MSL2: variants seen among roughly 807,000 people sequenced by gnomAD.
MSL2 encodes the protein E3 ubiquitin-protein ligase MSL2.
Under a neutral mutation model 35.8 loss-of-function variants are expected in MSL2, and 2 were observed. That is an observed-to-expected ratio of 0.06 (90% confidence interval 0.02 to 0.18). The LOEUF (loss-of-function observed/expected upper bound fraction) is 0.18, where lower values mean the gene tolerates loss of function less well. Ranked by LOEUF, MSL2 falls within the 10% of genes least tolerant of loss-of-function variation. MSL2 has a pLI of 1.00. For missense variants in MSL2, 523 were observed against 706.7 expected (o/e 0.74, Z 2.95); for synonymous variants, 296 against 255.7 (o/e 1.16, Z -1.50).
At chr3:136,185,681 T>C (rs1940500994) in intron 1 of MSL2, among the ~76,000 whole-genome samples, 1 of 151,980 alleles carries the variant, frequency 6.6e-6, no homozygotes, top group Non-Finnish European at 1.5e-5. Context: ...AATTTTTGTA[T>C]TTTTAGTAGA....
chr3:136,191,795 C>T (rs1458994505), intron 1 of MSL2, among the ~76,000 whole-genome samples: 1 of 152,152 alleles, frequency 6.6e-6, no homozygotes, highest in African/African-American at 2.4e-5. Context: ...TTTCAAACCG[C>T]TTAAAAATAA....
intron 1 of MSL2, among the ~76,000 whole-genome samples, chr3:136,179,287 A>G (rs1241039095): frequency 6.6e-6 from 1 of 152,100 alleles, no homozygotes; most frequent in Non-Finnish European, 1.5e-5. Flanking sequence ...CCTGGGTTCA[A>G]GCAATCCCTG....
At chr3:136,162,460 T>C (rs144916189) in intron 1 of MSL2, among the ~76,000 whole-genome samples, 75 of 152,042 alleles carry the variant, frequency 4.9e-4, no homozygotes, top group African/African-American at 1.7e-3. Flanking sequence ...GCACGCACCT[T>C]AGTCCCAGCT....
intron 1 of MSL2, among the ~76,000 whole-genome samples, chr3:136,172,049 G>A (rs1421432369): frequency 5.9e-5 from 9 of 152,058 alleles, no homozygotes; most frequent in Non-Finnish European, 1.2e-4. Flanking sequence ...TGGCTCAAGC[G>A]ATCCACCCAC....
At chr3:136,192,380 T>A (rs1374389388) in intron 1 of MSL2, among the ~76,000 whole-genome samples, 1 of 152,094 alleles carries the variant, frequency 6.6e-6, no homozygotes, top group Non-Finnish European at 1.5e-5. Flanking sequence ...GGTTTCACTA[T>A]GTTGGCCAGG....
chr3:136,180,800 G>GGGAAGGAA (rs1940328786), intron 1 of MSL2, among the ~76,000 whole-genome samples: 3 of 49,522 alleles, frequency 6.1e-5, no homozygotes, highest in African/African-American at 2.8e-4. Flanking sequence ...GAGGGAGGGA[G>GGGAAGGAA]GGAGGGAGGG....
intron 1 of MSL2, among the ~76,000 whole-genome samples, chr3:136,175,662 T>C (rs1158284492): frequency 1.4e-5 from 2 of 147,090 alleles, no homozygotes; most frequent in Non-Finnish European, 3.1e-5. Context: ...CACCCTAGCC[T>C]GCGTGACAGA....
intron 1 of MSL2, among the ~76,000 whole-genome samples, chr3:136,185,124 G>A (rs535511292): frequency 4.6e-5 from 7 of 151,864 alleles, no homozygotes; most frequent in East Asian, 1.9e-4. Flanking sequence ...ACAGGCATGC[G>A]CCACCACACC....
Position 136,152,086 on chromosome 3 carries a change from A to C in MSL2, c.795T>G (p.Ser265=). ...GTACTTCCTCAACACTCAGTAACAG[A>C]GAGTCTCCAGGTTTTATATCTTCAC... The part of the protein sequence containing the change: ...SFSEDIKPGD[S]LLLSVEEVLR... The change falls in exon 2 of 2, where the codon TCT becomes TCG. Residue 265 remains serine (S), a synonymous_variant. Transcript: ENST00000309993. 1 of 1,614,156 alleles carries C rather than the reference A, an allele frequency of 6.2e-7. No individual in the cohort carries two copies. Among genetic ancestry groups the C allele is most frequent in the Non-Finnish European group, 8.5e-7 (1 of 1,180,004 alleles).
intron 1 of MSL2, among the ~76,000 whole-genome samples, chr3:136,174,578 AG>A (rs2108079457): frequency 6.6e-6 from 1 of 152,308 alleles, no homozygotes; most frequent in Admixed American, 6.5e-5. Flanking sequence ...GAAGAGCAAA[AG>A]GAAGGGGAGG....
At position 136,167,072 on chromosome 3, in the gene MSL2, A is replaced by T. The variant is rs148952681; in HGVS notation, c.143-14334T>A. Among the ~76,000 whole-genome samples the T allele has an allele frequency of 2.0e-4, 30 of 152,332 alleles. No individual in the cohort carries two copies. The East Asian group carries it at 5.6e-3, about 28-fold the overall frequency. On this transcript the variant is annotated intron_variant, in intron 1 of 1. Coordinates refer to ENST00000309993, the MANE Select transcript of MSL2 (RefSeq NM_018133.4). ...GAGGAGAAGGGGCACAAGAAAAAAAATATATAAAACTGATAATGGCTAATA... is the reference window on the plus strand; with the variant it reads ...GAGGAGAAGGGGCACAAGAAAAAAATTATATAAAACTGATAATGGCTAATA...
intron 1 of MSL2, among the ~76,000 whole-genome samples, chr3:136,166,397 G>A (rs1046940453): frequency 6.6e-6 from 1 of 151,498 alleles, no homozygotes; most frequent in South Asian, 2.1e-4. Flanking sequence ...CAAAAAAAAA[G>A]TAAGTTTTAA....
In MSL2 at chr3:136,195,344, G is replaced by A. The variant is rs530347560; in HGVS notation, c.-231C>T. ...TGAGACTTCCAGACCAAAAATATGA[G>A]AGAGAAACCAGCGTTCGAGTTCGTC... On this transcript the variant is annotated 5_prime_UTR_variant, in exon 1 of 2. Coordinates refer to ENST00000309993, the MANE Select transcript of MSL2 (RefSeq NM_018133.4). 5.3e-6 allele frequency: 7 copies of A among 1,316,782 alleles called. No individual in the cohort carries two copies. In the African/African-American group the frequency reaches 7.6e-5, roughly 14 times the overall value. 81.6% of individuals were successfully genotyped at this position (1,316,782 alleles called of 1,614,324 possible).
chr3:136,178,411 G>A (rs80209220), intron 1 of MSL2, among the ~76,000 whole-genome samples: 1,926 of 152,124 alleles, frequency 0.013, 45 homozygotes, highest in African/African-American at 0.044. Flanking sequence ...GGTGTTGCAC[G>A]GAACCAGGTT....
rs183673064 is a variant in MSL2 at position 136,169,060 on chromosome 3, A to G, written c.143-16322T>C. Among the ~76,000 whole-genome samples the G allele has an allele frequency of 1.5e-3, 234 of 152,188 alleles. 1 individual carries two copies. The highest frequency in any genetic ancestry group is 5.3e-3 in the African/African-American group (221 of 41,550). The stretch of plus-strand genomic sequence containing the variant: ...CAGGATGGTAACTTAAGCAATGACA[A>G]AACATTTTTAATGGATGACAAGAGG... On this transcript the variant is annotated intron_variant, in intron 1 of 1. Transcript: ENST00000309993.
At chr3:136,172,109 C>T (rs1940043122) in intron 1 of MSL2, among the ~76,000 whole-genome samples, 1 of 152,108 alleles carries the variant, frequency 6.6e-6, no homozygotes, top group African/African-American at 2.4e-5. Context: ...CCGCACCTGG[C>T]CTGTATATTG....
intron 1 of MSL2, among the ~76,000 whole-genome samples, chr3:136,184,576 C>A (rs1940459822): frequency 6.6e-6 from 1 of 152,076 alleles, no homozygotes; most frequent in African/African-American, 2.4e-5. Context: ...GCACTCCAGC[C>A]TGGACGACAG....
chr3:136,185,443 A>C (rs1940491842), intron 1 of MSL2, among the ~76,000 whole-genome samples: 1 of 151,728 alleles, frequency 6.6e-6, no homozygotes, highest in South Asian at 2.1e-4. Context: ...CTAAAATACT[A>C]TAGATATGGA....
At chr3:136,185,913 G>A (rs2108091884) in intron 1 of MSL2, among the ~76,000 whole-genome samples, 1 of 151,644 alleles carries the variant, frequency 6.6e-6, no homozygotes, top group Admixed American at 6.6e-5. Context: ...AATCAATGGA[G>A]ACAATTACAT....
Sources: gnomAD v4.1 joint callset for allele counts (sites outside exome capture counted in the v4.1 genomes callset) on GRCh38, gnomAD v4.1.1 for gene constraint, MANE v1.5 for transcripts, NCBI Gene and HGNC (gene_info 2026-07-23, HGNC 2026-07-21) for gene names.